SLC16A9: variants seen among roughly 807,000 people sequenced by gnomAD.
The protein encoded by SLC16A9 is solute carrier family 16 member 9.
Under a neutral mutation model 44.3 loss-of-function variants are expected in SLC16A9, and 26 were observed. The ratio of observed to expected loss-of-function variants is 0.59; its 90% confidence interval spans 0.43 to 0.81. The LOEUF (loss-of-function observed/expected upper bound fraction) is 0.81, where lower values mean the gene tolerates loss of function less well. SLC16A9 is among the 40% of genes least tolerant of loss of function. SLC16A9 has a pLI of 0.00. For missense variants in SLC16A9, 559 were observed against 595.8 expected, an observed-to-expected ratio of 0.94 and a Z score of 0.64; for synonymous variants, 230 against 225.1, an observed-to-expected ratio of 1.02 and a Z score of -0.19.
At chr10:59,703,656 C>T (rs977537081) in intron 1 of SLC16A9, among the ~76,000 whole-genome samples, 2 of 151,830 alleles carry the variant, frequency 1.3e-5, no homozygotes, top group Admixed American at 1.3e-4. Context: ...TAATGTGTTT[C>T]GTTTGGCGGA....
intron 1 of SLC16A9, among the ~76,000 whole-genome samples, chr10:59,703,769 A>G (rs1433279909): frequency 2.0e-5 from 3 of 149,164 alleles, no homozygotes; most frequent in Non-Finnish European, 4.4e-5. Context: ...CCCAGGCCGG[A>G]GTGCAGTGGC....
At position 59,652,112 on chromosome 10, in the gene SLC16A9, C is replaced by T. The variant is rs2132385162; in HGVS notation, c.*660G>A. The T allele has an allele frequency of 6.6e-6, 1 of 152,236 alleles. No homozygotes were observed. The highest frequency in any genetic ancestry group is 1.9e-4 in the East Asian group (1 of 5,182). 9.4% of individuals were successfully genotyped at this position (152,236 alleles called of 1,614,324 possible). A position where few individuals can be genotyped will look rare whatever the true frequency, so the allele number is the denominator to read the frequency against. ...GAGTTCACCCACATCTCAGCAAATA[C>T]CTTAGGAACTGAAACAGTTGCTCAG... On this transcript the variant is annotated 3_prime_UTR_variant, in exon 6 of 6. Transcript: ENST00000395348.
chr10:59,654,121 T>G lies in SLC16A9; in HGVS notation c.905A>C (p.Lys302Thr). The G allele has an allele frequency of 3.1e-6, 5 of 1,614,136 alleles. No individual in the cohort carries two copies. Among genetic ancestry groups the G allele is most frequent in the Non-Finnish European group, 4.2e-6 (5 of 1,180,030 alleles). Reference sequence around the variant, plus strand: ...GAAAAGGGCTGAAAATACTTTGTTTTTAAAAAGAGCCACAGTTTCACCACA... The same window carrying G: ...GAAAAGGGCTGAAAATACTTTGTTTGTAAAAAGAGCCACAGTTTCACCACA... ...NYCGETVALFKNKVFSALFIA... is the reference protein window; with the variant it reads ...NYCGETVALFTNKVFSALFIA... Residue 302 changes from lysine to threonine, a missense_variant, in exon 5 of 6, where the codon AAA (lysine) becomes ACA (threonine). Coordinates refer to ENST00000395348, the MANE Select transcript of SLC16A9 (RefSeq NM_194298.3).
At chr10:59,679,363 G>A (rs956603612) in intron 2 of SLC16A9, among the ~76,000 whole-genome samples, 4 of 152,134 alleles carry the variant, frequency 2.6e-5, no homozygotes, top group Non-Finnish European at 5.9e-5. Context: ...CATATATTAA[G>A]ACATTTGTTG....
rs777159218 is a variant in SLC16A9 at position 59,653,917 on chromosome 10, T to C, written c.1109A>G (p.Asn370Ser). ...LGILADFKWI[N>S]TLYLYVATLI... ...GGTAGCAACATAAAGATACAAGGTA[T>C]TAATCCACTTGAAGTCAGCCAGTAT... The change falls in exon 5 of 6, where the codon AAT (asparagine) becomes AGT (serine). Residue 370 changes from asparagine (N) to serine (S), a missense_variant. By Grantham distance (46) the Asn-to-Ser change is conservative. Coordinates refer to ENST00000395348, the MANE Select transcript of SLC16A9 (RefSeq NM_194298.3). 4.3e-6 allele frequency: 7 copies of C among 1,614,008 alleles called. No homozygotes were observed. The highest frequency in any genetic ancestry group is 5.9e-6 in the Non-Finnish European group (7 of 1,180,022).
At chr10:59,704,421 ACGT>A (rs774311818) in intron 1 of SLC16A9, among the ~76,000 whole-genome samples, 12 of 152,178 alleles carry the variant, frequency 7.9e-5, no homozygotes, top group Non-Finnish European at 1.6e-4. Flanking sequence ...AAGTTGAGAG[ACGT>A]CATGCTAAAG....
intron 2 of SLC16A9, among the ~76,000 whole-genome samples, chr10:59,680,983 A>AAAT (rs67119717): frequency 0.031 from 4,547 of 147,956 alleles, 85 homozygotes; most frequent in Middle Eastern, 0.063. Context: ...ACCCAATCTC[A>AAAT]AATAATAATA....
chr10:59,671,770 T>C (rs1839756067), intron 3 of SLC16A9, among the ~76,000 whole-genome samples: 1 of 148,930 alleles, frequency 6.7e-6, no homozygotes, highest in South Asian at 2.1e-4. Context: ...AGTGTCAGAC[T>C]GAGCATCTCT....
Position 59,672,889 on chromosome 10 carries a change from G to A in SLC16A9, c.221C>T (p.Ser74Leu), listed in dbSNP as rs763108396. ...TGTGACAGGTCTTGCTCCAAAAGATGAGACACAGAGACTGCAGACAGGACC... is the reference window on the plus strand; with the variant it reads ...TGTGACAGGTCTTGCTCCAAAAGATAAGACACAGAGACTGCAGACAGGACC... ...LASPVCSLCV[S>L]SFGARPVTIF... is the part of the protein sequence containing the mutation. Residue 74 changes from serine to leucine, a missense_variant, in exon 3 of 6, where the codon TCA becomes TTA. Physicochemically the swap from Ser to Leu is moderately radical, Grantham distance 145 (BLOSUM62 -2). Transcript: ENST00000395348. 1 of 1,612,886 alleles carries A rather than the reference G, an allele frequency of 6.2e-7. No individual in the cohort carries two copies. The highest frequency in any genetic ancestry group is 8.5e-7 in the Non-Finnish European group (1 of 1,179,528).
intron 3 of SLC16A9, among the ~76,000 whole-genome samples, chr10:59,666,417 G>C (rs1839619802): frequency 6.6e-6 from 1 of 152,010 alleles, no homozygotes. Flanking sequence ...TGGTCCCTAA[G>C]ATCTTTCATG....
rs66952512 is a variant in SLC16A9, at chr10:59,681,741, G to GTATATAT, written c.196+2354_196+2355insATATATA. Among the ~76,000 whole-genome samples the GTATATAT allele has an allele frequency of 9.9e-3, 31 of 3,126 alleles. 9 individuals carry two copies. Among genetic ancestry groups the GTATATAT allele is most frequent in the Non-Finnish European group, 0.05 (12 of 242 alleles). 2.1% of individuals were successfully genotyped at this position (3,126 alleles called of 152,430 possible). On this transcript the variant is annotated intron_variant, in intron 2 of 5. Coordinates refer to ENST00000395348, the MANE Select transcript of SLC16A9 (RefSeq NM_194298.3). ...ATATGATGTATATGTATATGTATAT[G>GTATATAT]ATGTATATGTATATGTATATGATGT...
intron 1 of SLC16A9, among the ~76,000 whole-genome samples, chr10:59,707,056 A>G (rs1840655355): frequency 6.7e-6 from 1 of 150,024 alleles, no homozygotes; most frequent in South Asian, 2.1e-4. Context: ...CCTGTAATCC[A>G]GCTTGGGAAC....
At chr10:59,659,087 C>T (rs961608494) in intron 4 of SLC16A9, among the ~76,000 whole-genome samples, 5 of 152,130 alleles carry the variant, frequency 3.3e-5, no homozygotes, top group African/African-American at 7.2e-5. Flanking sequence ...CTGTACATAA[C>T]TTTAAAAAAT....
intron 4 of SLC16A9, among the ~76,000 whole-genome samples, chr10:59,659,804 C>G (rs185219972): frequency 2.8e-3 from 433 of 152,302 alleles, no homozygotes; most frequent in African/African-American, 9.4e-3. Flanking sequence ...AACAGTCTCT[C>G]AGACCACAGT....
intron 1 of SLC16A9, among the ~76,000 whole-genome samples, chr10:59,693,322 A>G (rs951049757): frequency 1.3e-5 from 2 of 152,232 alleles, no homozygotes. Flanking sequence ...TTTAAAAGTT[A>G]TAGTCACTAG....
chr10:59,660,034 C>T (rs547441659), intron 4 of SLC16A9, among the ~76,000 whole-genome samples: 3 of 152,228 alleles, frequency 2.0e-5, no homozygotes, highest in Non-Finnish European at 4.4e-5. Flanking sequence ...ACTAAATGCC[C>T]ACAGGAGAAA....
chr10:59,678,710 A>C, intron 2 of SLC16A9, among the ~76,000 whole-genome samples: 1 of 135,680 alleles, frequency 7.4e-6, no homozygotes, highest in Admixed American at 7.4e-5. Context: ...CGCCCGGCTA[A>C]TTTTTTGTAT....
At chr10:59,692,118 C>CTTTTTATT (rs1352556151) in intron 1 of SLC16A9, among the ~76,000 whole-genome samples, 1 of 152,204 alleles carries the variant, frequency 6.6e-6, no homozygotes, top group Non-Finnish European at 1.5e-5. Flanking sequence ...TTATTTGAAT[C>CTTTTTATT]TCAATCACTA....
chr10:59,671,534 C>T (rs1359531729), intron 3 of SLC16A9, among the ~76,000 whole-genome samples: 1 of 152,146 alleles, frequency 6.6e-6, no homozygotes, highest in Non-Finnish European at 1.5e-5. Context: ...AGCCAATGGT[C>T]CTTTCCCCAG....
Sources: allele counts gnomAD v4.1 joint callset (sites outside exome capture counted in the v4.1 genomes callset), GRCh38; gene constraint gnomAD v4.1.1; transcripts MANE v1.5; gene names NCBI Gene and HGNC (gene_info 2026-07-23, HGNC 2026-07-21).